RPS6KC1: variants seen among roughly 807,000 people sequenced by gnomAD.
RPS6KC1 encodes the protein inactive ribosomal protein S6 kinase delta-1.
RPS6KC1 carries 54 observed loss-of-function variants against 103.8 expected under a neutral mutation model. The observed-to-expected ratio is 0.52, with a 90% CI of 0.42 to 0.65. The LOEUF (loss-of-function observed/expected upper bound fraction) is 0.65. RPS6KC1 is among the 30% of genes least tolerant of loss of function. The pLI, the probability that RPS6KC1 is intolerant of heterozygous loss-of-function variation, is 0.00. For synonymous variants in RPS6KC1, 439 were observed against 438.7 expected, an observed-to-expected ratio of 1.00 and a Z score of -0.01; for missense variants, 1,151 against 1,253.8, an observed-to-expected ratio of 0.92 and a Z score of 1.24.
chr1:213,475,175 C>A, the RPS6KC1 span, among the ~76,000 whole-genome samples: 2 of 152,126 alleles, frequency 1.3e-5, no homozygotes, highest in South Asian at 2.1e-4. Flanking sequence ...AGACTTCTTA[C>A]CCCGGCACTG....
chr1:213,194,852 A>G (rs2092881488), intron 8 of RPS6KC1, among the ~76,000 whole-genome samples: 1 of 152,144 alleles, frequency 6.6e-6, no homozygotes, highest in East Asian at 1.9e-4. Context: ...TCCCAAAACC[A>G]TTACCCCCAC....
intron 6 of RPS6KC1, among the ~76,000 whole-genome samples, chr1:213,136,061 C>T (rs1191802033): frequency 6.6e-6 from 1 of 152,148 alleles, no homozygotes; most frequent in Non-Finnish European, 1.5e-5. Context: ...TTACATATAG[C>T]TCAATTCAGG....
intron 7 of RPS6KC1, 152 bp downstream of exon 7, chr1:213,168,125 T>C (rs1021157319): frequency 5.6e-5 from 30 of 533,416 alleles, no homozygotes; most frequent in Non-Finnish European, 1.6e-5. Context: ...AAATGCATTA[T>C]AGCAAACCAC....
chr1:213,436,562 G>A, the RPS6KC1 span, among the ~76,000 whole-genome samples: 1 of 152,180 alleles, frequency 6.6e-6, no homozygotes, highest in African/African-American at 2.4e-5. Context: ...CTGGGATATT[G>A]ATTGGAATGC....
At chr1:213,538,251 C>T in the RPS6KC1 span, among the ~76,000 whole-genome samples, 20 of 152,234 alleles carry the variant, frequency 1.3e-4, no homozygotes, top group African/African-American at 4.1e-4. Context: ...AAATTTGCAG[C>T]GTTAAGTCCT....
At chr1:213,156,266 AT>A in intron 6 of RPS6KC1, among the ~76,000 whole-genome samples, 1 of 152,346 alleles carries the variant, frequency 6.6e-6, no homozygotes, top group East Asian at 1.9e-4. Context: ...AGAAGGAAAG[AT>A]TAATGAACTT....
the RPS6KC1 span, among the ~76,000 whole-genome samples, chr1:213,369,415 C>T: frequency 0.031 from 4,710 of 152,284 alleles, 257 homozygotes; most frequent in African/African-American, 0.11. Context: ...CTACCAAAGA[C>T]CCCTGGCCCT....
chr1:213,498,703 C>G, the RPS6KC1 span, among the ~76,000 whole-genome samples: 1 of 151,934 alleles, frequency 6.6e-6, no homozygotes, highest in Non-Finnish European at 1.5e-5. Context: ...ATCTGCCCAC[C>G]TCAGCCTCCC....
At chr1:213,257,596 A>G (rs1226030910) in intron 12 of RPS6KC1, among the ~76,000 whole-genome samples, 1 of 152,142 alleles carries the variant, frequency 6.6e-6, no homozygotes, top group African/African-American at 2.4e-5. Context: ...AGTATTAAAC[A>G]TGGTTTCTTA....
intron 8 of RPS6KC1, among the ~76,000 whole-genome samples, chr1:213,191,353 T>C (rs1017317692): frequency 6.6e-6 from 1 of 152,192 alleles, no homozygotes; most frequent in African/African-American, 2.4e-5. Flanking sequence ...GTAGAGATCT[T>C]TCACTTCTTT....
chr1:213,445,630 C>T, the RPS6KC1 span, among the ~76,000 whole-genome samples: 4 of 152,080 alleles, frequency 2.6e-5, no homozygotes, highest in Admixed American at 6.5e-5. Flanking sequence ...GGGACAGATG[C>T]GAGAGAGGAG....
At chr1:213,539,820 C>T in the RPS6KC1 span, among the ~76,000 whole-genome samples, 2 of 151,890 alleles carry the variant, frequency 1.3e-5, no homozygotes, top group South Asian at 4.2e-4. Flanking sequence ...TTCTGGGCCA[C>T]TGCAATAAAG....
the RPS6KC1 span, among the ~76,000 whole-genome samples, chr1:213,678,937 A>T: frequency 6.6e-6 from 1 of 152,208 alleles, no homozygotes; most frequent in African/African-American, 2.4e-5. Flanking sequence ...TGGGTAAAAC[A>T]CTAGCACAAT....
intron 8 of RPS6KC1, among the ~76,000 whole-genome samples, chr1:213,207,675 TTTTG>T (rs1180472514): frequency 4.6e-5 from 7 of 152,054 alleles, no homozygotes; most frequent in African/African-American, 7.2e-5. Context: ...ATACCTTTTT[TTTTG>T]TTTGTTTGTT....
the RPS6KC1 span, among the ~76,000 whole-genome samples, chr1:213,537,875 T>C: frequency 2.0e-5 from 3 of 152,228 alleles, no homozygotes; most frequent in African/African-American, 7.2e-5. Context: ...TATATATCTA[T>C]TGGCTCTTAT....
At chr1:213,189,418 C>T (rs2092667070) in intron 8 of RPS6KC1, among the ~76,000 whole-genome samples, 1 of 148,410 alleles carries the variant, frequency 6.7e-6, no homozygotes, top group South Asian at 2.1e-4. Flanking sequence ...CAGTGCGCTC[C>T]AGCCTGAGTG....
At chr1:213,279,435 A>C (rs1224258511), downstream of RPS6KC1, among the ~76,000 whole-genome samples, 1 of 152,190 alleles carries the variant, frequency 6.6e-6, no homozygotes, top group African/African-American at 2.4e-5. Context: ...CACCAGAGAG[A>C]GACAAACCAG....
chr1:213,859,933 A>G, the RPS6KC1 span, among the ~76,000 whole-genome samples: 1 of 151,966 alleles, frequency 6.6e-6, no homozygotes, highest in Non-Finnish European at 1.5e-5. Flanking sequence ...GTAAGCACCC[A>G]TCTTTTTGGA....
chr1:213,422,910 C>T, the RPS6KC1 span, among the ~76,000 whole-genome samples: 23 of 152,350 alleles, frequency 1.5e-4, 2 homozygotes, highest in South Asian at 3.7e-3. Flanking sequence ...TTAATTACTA[C>T]GGTGACCCAG....
Sources: gnomAD v4.1 joint callset for allele counts (sites outside exome capture counted in the v4.1 genomes callset) on GRCh38, gnomAD v4.1.1 for gene constraint, MANE v1.5 for transcripts, NCBI Gene and HGNC (gene_info 2026-07-23, HGNC 2026-07-21) for gene names.